The following NRG1 variants were observed in gnomAD, a reference collection of about 807,000 sequenced individuals.
The protein encoded by NRG1 is pro-neuregulin-1, membrane-bound isoform.
NRG1 carries 18 observed loss-of-function variants against 63.8 expected under a neutral mutation model. The observed-to-expected ratio is 0.28, with a 90% CI of 0.19 to 0.42. NRG1 has a LOEUF of 0.42. Ranked by LOEUF, NRG1 falls within the 10% of genes least tolerant of loss-of-function variation. The pLI is 1.00. For synonymous variants in NRG1, 302 were observed against 301.3 expected (o/e 1.00, Z -0.02); for missense variants, 762 against 814.7 (o/e 0.94, Z 0.79).
At chr8:32,379,187 T>C (rs1810025902) in intron 1 of NRG1, among the ~76,000 whole-genome samples, 1 of 152,076 alleles carries the variant, frequency 6.6e-6, no homozygotes, top group Non-Finnish European at 1.5e-5. Flanking sequence ...CTTGACAGAT[T>C]TTTTTCTGAA....
intron 1 of NRG1, among the ~76,000 whole-genome samples, chr8:31,688,991 T>A (rs756406339): frequency 6.6e-6 from 1 of 152,190 alleles, no homozygotes; most frequent in Non-Finnish European, 1.5e-5. Flanking sequence ...TTCTAGAGGC[T>A]GCCTTCATTC....
intron 1 of NRG1, among the ~76,000 whole-genome samples, chr8:31,810,675 C>G (rs992748271): frequency 6.6e-6 from 1 of 152,158 alleles, no homozygotes; most frequent in Non-Finnish European, 1.5e-5. Flanking sequence ...TCCACTGTCC[C>G]TCTTTATCCC....
chr8:31,891,735 A>G (rs1157668728), intron 1 of NRG1, among the ~76,000 whole-genome samples: 1 of 152,176 alleles, frequency 6.6e-6, no homozygotes, highest in African/African-American at 2.4e-5. Context: ...CAAACTGGAA[A>G]CATCTCCAGT....
At chr8:31,672,653 T>A (rs1807273514) in intron 1 of NRG1, among the ~76,000 whole-genome samples, 1 of 152,154 alleles carries the variant, frequency 6.6e-6, no homozygotes, top group Non-Finnish European at 1.5e-5. Flanking sequence ...GAATACTGAT[T>A]TTTTTGTCAT....
At chr8:32,110,289 G>A (rs1831836634) in intron 1 of NRG1, among the ~76,000 whole-genome samples, 1 of 145,780 alleles carries the variant, frequency 6.9e-6, no homozygotes, top group African/African-American at 2.7e-5. Context: ...CAAAGGACAG[G>A]CTAGAAAAAA....
At chr8:31,666,137 A>G (rs1312741562) in intron 1 of NRG1, among the ~76,000 whole-genome samples, 1 of 152,194 alleles carries the variant, frequency 6.6e-6, no homozygotes, top group African/African-American at 2.4e-5. Flanking sequence ...AGGACAAACC[A>G]GGGCCCAGTA....
At chr8:31,729,242 T>G (rs1224687521) in intron 1 of NRG1, among the ~76,000 whole-genome samples, 1 of 111,508 alleles carries the variant, frequency 9.0e-6, no homozygotes, top group East Asian at 2.8e-4. Context: ...ACAAAGTTTT[T>G]TTTTTTTTTC....
intron 1 of NRG1, among the ~76,000 whole-genome samples, chr8:31,682,902 T>G (rs117259544): frequency 6.6e-6 from 1 of 152,184 alleles, no homozygotes; most frequent in Non-Finnish European, 1.5e-5. Context: ...TGATAATGCT[T>G]ATCTCAGGGG....
chr8:32,765,524 T>G (rs1028455622), exon 12 of NRG1: 1 of 152,198 alleles, frequency 6.6e-6, no homozygotes, highest in Non-Finnish European at 1.5e-5. Flanking sequence ...GCTTAGTGAC[T>G]CCGTTGAAAT....
intron 1 of NRG1, among the ~76,000 whole-genome samples, chr8:32,428,511 G>A (rs1435836078): frequency 1.3e-5 from 2 of 152,132 alleles, no homozygotes; most frequent in Non-Finnish European, 2.9e-5. Context: ...ACATTTTAGG[G>A]CTGTTGCTGC....
intron 1 of NRG1, among the ~76,000 whole-genome samples, chr8:32,156,211 C>T (rs1838045991): frequency 6.6e-6 from 1 of 152,130 alleles, no homozygotes; most frequent in African/African-American, 2.4e-5. Flanking sequence ...TTGGCAGTTC[C>T]CCGGGGTTAG....
rs1002729121 is a variant in NRG1 at position 32,075,869 on chromosome 8, C to T, written c.37+436438C>T. On this transcript the variant is annotated intron_variant, in intron 1 of 10. Coordinates refer to the NRG1 transcript ENST00000519301. ...TGTGTTCATAGTAGAGACGGGGTTT[C>T]GCCGTCTTGGCCAGGCTGGTCTCAA... 8.5e-5 allele frequency among the ~76,000 whole-genome samples: 13 copies of T among 152,276 alleles called. No individual in the cohort carries two copies. In the South Asian group the frequency reaches 1.0e-3, roughly 12 times the overall value.
intron 1 of NRG1, among the ~76,000 whole-genome samples, chr8:32,055,587 A>G (rs1489844829): frequency 6.6e-6 from 1 of 152,018 alleles, no homozygotes; most frequent in Admixed American, 6.6e-5. Flanking sequence ...TTGGCAAATT[A>G]TATAATCTGA....
chr8:32,590,197 G>A (rs979412124), intron 1 of NRG1, among the ~76,000 whole-genome samples: 1 of 152,180 alleles, frequency 6.6e-6, no homozygotes, highest in African/African-American at 2.4e-5. Flanking sequence ...GTTTTAAAAG[G>A]CTGTTCTTTG....
chr8:32,284,489 G>GCGTGCCTGCCTGCCTGCCTT (rs1554497406), intron 1 of NRG1, among the ~76,000 whole-genome samples: 2 of 132,522 alleles, frequency 1.5e-5, no homozygotes, highest in African/African-American at 5.9e-5. Flanking sequence ...CTGCCTGCCT[G>GCGTGCCTGCCTGCCTGCCTT]CCTTCCTTCC....
chr8:32,089,628 A>G (rs548119633), intron 1 of NRG1, among the ~76,000 whole-genome samples: 1 of 152,202 alleles, frequency 6.6e-6, no homozygotes, highest in Non-Finnish European at 1.5e-5. Flanking sequence ...TTTCAGCAAT[A>G]TGGCACTGTG....
chr8:32,614,502 T>C lies in NRG1; in HGVS notation c.401-12T>C. The C allele has an allele frequency of 6.3e-7, 1 of 1,586,762 alleles. No individual in the cohort carries two copies. The highest frequency in any genetic ancestry group is 1.7e-5 in the Admixed American group (1 of 59,058). ...TTATATATCATAATGTCCTATCACC[T>C]TTTTTTTTCAGAGATCATCACTGGT... On this transcript the variant is annotated splice_polypyrimidine_tract_variant and intron_variant, in intron 3 of 11. Transcript: ENST00000356819.
At chr8:32,118,861 T>C (rs1395647408) in intron 1 of NRG1, among the ~76,000 whole-genome samples, 1 of 152,076 alleles carries the variant, frequency 6.6e-6, no homozygotes, top group Non-Finnish European at 1.5e-5. Context: ...CAGCTCCTTG[T>C]ACCTCATCTG....
At chr8:32,756,784 A>G (rs1194538263) in intron 9 of NRG1, among the ~76,000 whole-genome samples, 1 of 152,208 alleles carries the variant, frequency 6.6e-6, no homozygotes, top group Non-Finnish European at 1.5e-5. Flanking sequence ...TTGTTCTGCA[A>G]GGAGGCCATA....
Sources: gnomAD v4.1 joint callset for allele counts (sites outside exome capture counted in the v4.1 genomes callset) on GRCh38, gnomAD v4.1.1 for gene constraint, MANE v1.5 for transcripts, NCBI Gene and HGNC (gene_info 2026-07-23, HGNC 2026-07-21) for gene names.